Variants in SIGLEC15 observed in about 807,000 individuals in gnomAD.
SIGLEC15 encodes the protein sialic acid binding Ig like lectin 15.
SIGLEC15 carries 31 observed loss-of-function variants against 26.2 expected under a neutral mutation model. That is an observed-to-expected ratio of 1.18 (90% CI 0.89 to 1.60). SIGLEC15 has a LOEUF of 1.60. Ranked by LOEUF, SIGLEC15 falls within the 40% of genes most tolerant of loss-of-function variation. The pLI, the probability that SIGLEC15 is intolerant of heterozygous loss-of-function variation, is 0.00. For missense variants in SIGLEC15, 501 were observed against 488.4 expected (o/e 1.03, Z -0.24); for synonymous variants, 207 against 221.9 (o/e 0.93, Z 0.60).
intron 3 of SIGLEC15, 109 bp downstream of exon 3, chr18:45,838,005 G>C: frequency 7.6e-7 from 1 of 1,321,136 alleles, no homozygotes; most frequent in Non-Finnish European, 9.8e-7. Flanking sequence ...GAAGGGCAAC[G>C]AGACCCAGCC....
At chr18:45,834,937 A>G (rs1487989131) in intron 1 of SIGLEC15, among the ~76,000 whole-genome samples, 1 of 152,222 alleles carries the variant, frequency 6.6e-6, no homozygotes, top group African/African-American at 2.4e-5. Context: ...AGAAGTACTG[A>G]CTGAACCAGC....
rs544550344 is a variant in SIGLEC15 at position 45,838,731 on chromosome 18, C to T, written c.510C>T (p.Ile170=). ...TCTCCCCTGCAGCCGCGCCGCGGATCGTCAACATCTCGGTGCTGCCCAGTC... is the reference window on the plus strand; with the variant it reads ...TCTCCCCTGCAGCCGCGCCGCGGATTGTCAACATCTCGGTGCTGCCCAGTC... The part of the protein sequence containing the change: ...VRLHVTAAPR[I]VNISVLPSPA... The change falls in exon 4 of 6, where the codon ATC becomes ATT. Residue 170 remains isoleucine (I), a synonymous_variant. Coordinates refer to ENST00000389474, the MANE Select transcript of SIGLEC15 (RefSeq NM_213602.3). 29 of 1,578,236 alleles carry T rather than the reference C, an allele frequency of 1.8e-5. No individual in the cohort carries two copies. Among genetic ancestry groups the T allele is most frequent in the Admixed American group, 1.7e-4 (10 of 57,692 alleles).
chr18:45,835,501 GGAAGA>G (rs2145056057), intron 1 of SIGLEC15, among the ~76,000 whole-genome samples: 1 of 152,266 alleles, frequency 6.6e-6, no homozygotes, highest in Non-Finnish European at 1.5e-5. Context: ...AGGCAGCTCA[GGAAGA>G]GAAGAGAAAA....
chr18:45,836,002 G>A (rs1046448918), intron 1 of SIGLEC15, among the ~76,000 whole-genome samples: 2 of 152,214 alleles, frequency 1.3e-5, no homozygotes, highest in Admixed American at 1.3e-4. Context: ...AGAGAACAAT[G>A]GCGGTCCTGT....
intron 1 of SIGLEC15, among the ~76,000 whole-genome samples, chr18:45,830,188 T>G (rs1417612187): frequency 6.6e-6 from 1 of 152,246 alleles, no homozygotes; most frequent in African/African-American, 2.4e-5. Flanking sequence ...ACCAAGGAAC[T>G]GGTGGAGATT....
chr18:45,838,034 A>G, intron 3 of SIGLEC15, 138 bp downstream of exon 3: 1 of 1,118,532 alleles, frequency 8.9e-7, no homozygotes, highest in Non-Finnish European at 1.2e-6. Context: ...TACCCCAGGG[A>G]TCTCACACCT....
chr18:45,825,857 T>C lies in SIGLEC15; in HGVS notation c.52+77T>C, dbSNP rs551623443. The C allele has an allele frequency of 6.4e-5, 101 of 1,566,516 alleles. No homozygotes were observed. The African/African-American group carries it at 1.3e-3, about 20-fold the overall frequency. On this transcript the variant is annotated intron_variant, in intron 1 of 5. Transcript: ENST00000389474. ...AAAGCATCTTAGGTACAGTCTCCCC[T>C]GGAAGGCAGGAAGCAGGTGTGCAGA... is the stretch of plus-strand genomic sequence containing the variant.
rs2048286893 is a variant in SIGLEC15, at chr18:45,837,662, G to A, written c.262G>A (p.Ala88Thr). 6.7e-7 allele frequency: 1 copy of A among 1,501,370 alleles called. No individual in the cohort carries two copies. The highest frequency in any genetic ancestry group is 8.8e-7 in the Non-Finnish European group (1 of 1,133,240). The allele number at this position is 1,501,370 out of a possible 1,614,324, so 93.0% of individuals were successfully genotyped here. ...TAIWRAGEPYAGPQVFRCAAA... is the reference protein window; with the variant it reads ...TAIWRAGEPYTGPQVFRCAAA... Reference sequence around the variant, plus strand: ...CATCTGGCGCGCGGGCGAGCCCTATGCGGGCCCGCAGGTGTTCCGCTGCGC... The same window carrying A: ...CATCTGGCGCGCGGGCGAGCCCTATACGGGCCCGCAGGTGTTCCGCTGCGC... Residue 88 changes from alanine to threonine, a missense_variant, in exon 3 of 6, where the codon GCG becomes ACG. Coordinates refer to ENST00000389474, the MANE Select transcript of SIGLEC15 (RefSeq NM_213602.3).
At position 45,837,197 on chromosome 18, in the gene SIGLEC15, G is replaced by GT. The variant is rs1424395087; in HGVS notation, c.112+110dup. 4.6e-6 allele frequency: 7 copies of GT among 1,513,446 alleles called. No individual in the cohort carries two copies. The African/African-American group carries it at 8.4e-5, about 18-fold the overall frequency. 93.8% of individuals were successfully genotyped at this position (1,513,446 alleles called of 1,614,324 possible). A position where few individuals can be genotyped will look rare whatever the true frequency, so the allele number is the denominator to read the frequency against. The stretch of plus-strand genomic sequence containing the variant: ...AGGTTTTGATGGGGAAAAACTAAGG[G>GT]TAAGAATATGGGGTCAAGGGGCCTG... On this transcript the variant is annotated intron_variant, in intron 2 of 5. Coordinates refer to ENST00000389474, the MANE Select transcript of SIGLEC15 (RefSeq NM_213602.3).
At chr18:45,831,404 C>T (rs2048233728) in intron 1 of SIGLEC15, among the ~76,000 whole-genome samples, 2 of 152,186 alleles carry the variant, frequency 1.3e-5, no homozygotes, top group South Asian at 4.1e-4. Flanking sequence ...AAACAGAAAC[C>T]ACATTCTAGC....
intron 3 of SIGLEC15, 131 bp from the exon 4 acceptor site, chr18:45,838,587 G>A: frequency 8.0e-7 from 1 of 1,242,514 alleles, no homozygotes; most frequent in African/African-American, 1.6e-5. Context: ...CATCTGTATT[G>A]GGACGGGGGC....
chr18:45,841,160 A>C (rs1013772576), intron 5 of SIGLEC15: 3 of 152,266 alleles, frequency 2.0e-5, no homozygotes, highest in African/African-American at 7.3e-5. Flanking sequence ...TTCCCTGGGG[A>C]GGGGGCCCGC....
At chr18:45,832,012 G>A (rs1413614895) in intron 1 of SIGLEC15, among the ~76,000 whole-genome samples, 6 of 152,324 alleles carry the variant, frequency 3.9e-5, no homozygotes, top group Non-Finnish European at 5.9e-5. Context: ...GATTACAGGC[G>A]TGAGCCGCCA....
At chr18:45,840,635 C>A (rs2048317985) in intron 5 of SIGLEC15, among the ~76,000 whole-genome samples, 1 of 152,210 alleles carries the variant, frequency 6.6e-6, no homozygotes, top group Non-Finnish European at 1.5e-5. Flanking sequence ...GGCCCAGAGA[C>A]CCCTAGGAAA....
chr18:45,830,177 T>G (rs1166055836), intron 1 of SIGLEC15, among the ~76,000 whole-genome samples: 1 of 152,270 alleles, frequency 6.6e-6, no homozygotes, highest in African/African-American at 2.4e-5. Context: ...CTTTTTTCCT[T>G]ACCAAGGAAC....
At chr18:45,827,809 T>TC (rs2048198146) in intron 1 of SIGLEC15, among the ~76,000 whole-genome samples, 1 of 152,192 alleles carries the variant, frequency 6.6e-6, no homozygotes, top group South Asian at 2.1e-4. Flanking sequence ...TTTCTTTTTT[T>TC]CTCTCCTGTT....
intron 1 of SIGLEC15, 108 bp downstream of exon 1, chr18:45,825,888 C>A: frequency 7.3e-7 from 1 of 1,360,714 alleles, no homozygotes; most frequent in Non-Finnish European, 1.0e-6. Flanking sequence ...GCAGAGCCTC[C>A]AGGCCTGTGG....
rs2048336167 is a variant in SIGLEC15 at position 45,842,740 on chromosome 18, G to T, written c.*553G>T. 1 of 155,926 alleles carries T rather than the reference G, an allele frequency of 6.4e-6. No individual in the cohort carries two copies. The highest frequency in any genetic ancestry group is 6.2e-5 in the Admixed American group (1 of 16,164). The allele number at this position is 155,926 out of a possible 1,614,324, so 9.7% of individuals were successfully genotyped here. A position where few individuals can be genotyped will look rare whatever the true frequency, so the allele number is the denominator to read the frequency against. Reference sequence around the variant, plus strand: ...AAATAATGGATATGAAGGGGCTTTGGAAAGTACAAAGCCATCTTCTCATGA... The same window carrying T: ...AAATAATGGATATGAAGGGGCTTTGTAAAGTACAAAGCCATCTTCTCATGA... On this transcript the variant is annotated 3_prime_UTR_variant, in exon 6 of 6. Coordinates refer to ENST00000389474, the MANE Select transcript of SIGLEC15 (RefSeq NM_213602.3).
At position 45,831,548 on chromosome 18, in the gene SIGLEC15, T is replaced by G. The variant is rs1205846989; in HGVS notation, c.53-5481T>G. The stretch of plus-strand genomic sequence containing the variant: ...TAACGAGGAGGCTATTAATTGCCAC[T>G]GCAACTGTATCCCCAGCACCCAGCA... On this transcript the variant is annotated intron_variant, in intron 1 of 5. Coordinates refer to ENST00000389474, the MANE Select transcript of SIGLEC15 (RefSeq NM_213602.3). Among the ~76,000 whole-genome samples, 4 of 152,206 alleles carry G rather than the reference T, an allele frequency of 2.6e-5. No homozygotes were observed. The East Asian group carries it at 7.7e-4, about 29-fold the overall frequency.
Sources: allele counts gnomAD v4.1 joint callset (sites outside exome capture counted in the v4.1 genomes callset), GRCh38; gene constraint gnomAD v4.1.1; transcripts MANE v1.5; gene names NCBI Gene and HGNC (gene_info 2026-07-23, HGNC 2026-07-21).